TJP2: variants seen among roughly 807,000 people sequenced by gnomAD.
The protein encoded by TJP2 is Friedreich ataxia region gene X104 (tight junction protein ZO-2).
A neutral mutation model predicts 133.1 loss-of-function variants in TJP2; 91 were observed. That is an observed-to-expected ratio of 0.68 (90% CI 0.58 to 0.81). The LOEUF (loss-of-function observed/expected upper bound fraction) is 0.81, where lower values mean the gene tolerates loss of function less well. Ranked by LOEUF, TJP2 falls within the 40% of genes least tolerant of loss-of-function variation. The pLI, the probability that TJP2 is intolerant of heterozygous loss-of-function variation, is 0.00. For synonymous variants in TJP2, 592 were observed against 583.4 expected (o/e 1.01, Z -0.21); for missense variants, 1,541 against 1,565.6 (o/e 0.98, Z 0.26).
chr9:69,212,224 G>T (rs181393015), intron 1 of TJP2, among the ~76,000 whole-genome samples: 66 of 152,262 alleles, frequency 4.3e-4, no homozygotes, highest in African/African-American at 1.6e-3. Flanking sequence ...GAATCTATTT[G>T]AAACTAGATA....
intron 13 of TJP2, among the ~76,000 whole-genome samples, chr9:69,236,553 A>G (rs1280128549): frequency 6.6e-6 from 1 of 152,102 alleles, no homozygotes; most frequent in African/African-American, 2.4e-5. Context: ...TCTTAGAGAC[A>G]AGGTACCCTT....
In TJP2 at chr9:69,127,419, G is replaced by A. The variant is rs1428724948; in HGVS notation, c.-131+5694G>A. 1.2e-3 allele frequency among the ~76,000 whole-genome samples: 88 copies of A among 76,074 alleles called. 33 individuals carry two copies. The highest frequency in any genetic ancestry group is 3.4e-3 in the African/African-American group (84 of 24,836). The allele number at this position is 76,074 out of a possible 152,430, so 49.9% of individuals were successfully genotyped here. A position where few individuals can be genotyped will look rare whatever the true frequency, so the allele number is the denominator to read the frequency against. On this transcript the variant is annotated intron_variant, in intron 1 of 5. Transcript: ENST00000423935. ...AAACTTTAAAAATTAGCTGGGCATG[G>A]TAGTTTATGCCTATAGTCCCAGCTA...
intron 1 of TJP2, among the ~76,000 whole-genome samples, chr9:69,122,880 G>A (rs1587861505): frequency 6.6e-6 from 1 of 152,168 alleles, no homozygotes; most frequent in Non-Finnish European, 1.5e-5. Context: ...CAATCCACTT[G>A]AGAGATACTA....
At chr9:69,241,150 T>C (rs1034145055) in intron 17 of TJP2, among the ~76,000 whole-genome samples, 1 of 152,218 alleles carries the variant, frequency 6.6e-6, no homozygotes, top group African/African-American at 2.4e-5. Context: ...TAGAATATAT[T>C]TTTAAGTCCA....
rs755002560 is a variant in TJP2 at position 69,220,998 on chromosome 9, C to T, written c.454C>T (p.Arg152Trp). ...GGACGAGTTTGATGGCAGAAGTTTC[C>T]GGAGTGGCTACAGCGAGAGGAGCCG... is the stretch of plus-strand genomic sequence containing the variant. ...VMDEFDGRSF[R>W]SGYSERSRLN... The change falls in exon 5 of 23, where the codon CGG becomes TGG. Residue 152 changes from arginine to tryptophan, a missense_variant. Transcript: ENST00000377245. 3.3e-5 allele frequency: 54 copies of T among 1,612,190 alleles called. No homozygotes were observed. The highest frequency in any genetic ancestry group is 8.3e-5 in the Admixed American group (5 of 59,888).
chr9:69,137,124 T>C (rs1683581391), intron 1 of TJP2, among the ~76,000 whole-genome samples: 1 of 152,148 alleles, frequency 6.6e-6, no homozygotes, highest in South Asian at 2.1e-4. Context: ...GTTCTGTTGG[T>C]TATTCTCTTT....
intron 5 of TJP2, among the ~76,000 whole-genome samples, chr9:69,224,581 G>T (rs930310960): frequency 1.3e-5 from 2 of 152,170 alleles, no homozygotes; most frequent in African/African-American, 4.8e-5. Flanking sequence ...AGAGGCTGAG[G>T]CAGGAGAATC....
chr9:69,245,113 A>G (rs1830833201), intron 17 of TJP2, among the ~76,000 whole-genome samples: 1 of 152,240 alleles, frequency 6.6e-6, no homozygotes, highest in Non-Finnish European at 1.5e-5. Flanking sequence ...GCAGAGTACC[A>G]TAATAGGAAT....
chr9:69,198,355 T>C (rs1185559796), intron 1 of TJP2, among the ~76,000 whole-genome samples: 1 of 152,214 alleles, frequency 6.6e-6, no homozygotes, highest in Non-Finnish European at 1.5e-5. Context: ...TTGGCCAGGC[T>C]GGTCTTGATC....
At chr9:69,205,047 T>C (rs1397444315) in intron 1 of TJP2, 13 of 1,448,024 alleles carry the variant, frequency 9.0e-6, no homozygotes, top group Non-Finnish European at 1.1e-5. Context: ...ACAACAGGAT[T>C]TGCTGGAAAT....
intron 12 of TJP2, among the ~76,000 whole-genome samples, chr9:69,235,335 T>TA (rs34840862): frequency 5.3e-5 from 8 of 150,030 alleles, no homozygotes; most frequent in Non-Finnish European, 1.0e-4. Flanking sequence ...TTATTATTAT[T>TA]TTTTTGAGAC....
chr9:69,226,880 CA>C (rs1056898345), intron 7 of TJP2, among the ~76,000 whole-genome samples: 7 of 152,130 alleles, frequency 4.6e-5, no homozygotes, highest in African/African-American at 1.4e-4. Context: ...AGTAGATGCT[CA>C]AAAAGAATCA....
In TJP2 at chr9:69,223,370, C is replaced by T. The variant is rs564883190; in HGVS notation, c.952+1874C>T. Among the ~76,000 whole-genome samples the T allele has an allele frequency of 6.6e-5, 10 of 152,226 alleles. 1 individual carries two copies. The East Asian group carries it at 1.4e-3, about 21-fold the overall frequency. Reference sequence around the variant, plus strand: ...TCGCCCAGGGTGGAGTGCAGTGGCGCGATCTCGGCTCACTGCAGGCTCCAT... The same window carrying T: ...TCGCCCAGGGTGGAGTGCAGTGGCGTGATCTCGGCTCACTGCAGGCTCCAT... On this transcript the variant is annotated intron_variant, in intron 5 of 22. Transcript: ENST00000377245.
rs200852106 is a variant in TJP2 at position 69,151,459 on chromosome 9, AAC to A, written c.-130-190_-130-189del. 7.0e-4 allele frequency among the ~76,000 whole-genome samples: 68 copies of A among 97,360 alleles called. No homozygotes were observed. The East Asian group carries it at 0.023, about 32-fold the overall frequency. 63.9% of individuals were successfully genotyped at this position (97,360 alleles called of 152,430 possible). A position where few individuals can be genotyped will look rare whatever the true frequency, so the allele number is the denominator to read the frequency against. ...CACACCATTGCACTCTAGCCTGGGC[AAC>A]AAGAGCAAAACTCCGTCTCAAAAAA... On this transcript the variant is annotated intron_variant, in intron 1 of 5. Transcript: ENST00000423935.
At chr9:69,177,789 A>C (rs1001694579) in intron 1 of TJP2, among the ~76,000 whole-genome samples, 2 of 151,932 alleles carry the variant, frequency 1.3e-5, no homozygotes, top group Non-Finnish European at 2.9e-5. Flanking sequence ...GGATTACAGA[A>C]GTGAGCCACC....
intron 2 of TJP2, among the ~76,000 whole-genome samples, chr9:69,214,325 A>G (rs1267262078): frequency 6.6e-6 from 1 of 152,102 alleles, no homozygotes; most frequent in Non-Finnish European, 1.5e-5. Flanking sequence ...GACTCAAGCA[A>G]TTCACCCGCC....
At chr9:69,173,179 C>T (rs1299850701), upstream of TJP2, among the ~76,000 whole-genome samples, 2 of 152,194 alleles carry the variant, frequency 1.3e-5, no homozygotes, top group East Asian at 3.8e-4. Context: ...ACAGACCACA[C>T]CTTTTACCTT....
chr9:69,238,057 C>A, intron 15 of TJP2, 84 bp downstream of exon 15: 1 of 921,724 alleles, frequency 1.1e-6, no homozygotes, highest in Non-Finnish European at 1.8e-6. Flanking sequence ...CATGAACACC[C>A]ACGTACCCTT....
chr9:69,193,675 A>C (rs1000000616), intron 1 of TJP2, among the ~76,000 whole-genome samples: 2 of 35,632 alleles, frequency 5.6e-5, no homozygotes, highest in African/African-American at 1.5e-4. Context: ...AAACACCTGA[A>C]CTTTTTTTTT....
Sources: gnomAD v4.1 joint callset for allele counts (sites outside exome capture counted in the v4.1 genomes callset) on GRCh38, gnomAD v4.1.1 for gene constraint, MANE v1.5 for transcripts, NCBI Gene and HGNC (gene_info 2026-07-23, HGNC 2026-07-21) for gene names.